The following NDE1 variants were observed in gnomAD, a reference collection of about 807,000 sequenced individuals.
NDE1 encodes the protein nudE neurodevelopment protein 1, also known as nuclear distribution protein nudE homolog 1.
A neutral mutation model predicts 43.4 loss-of-function variants in NDE1; 28 were observed. The ratio of observed to expected loss-of-function variants is 0.65; its 90% CI spans 0.48 to 0.89. The LOEUF is 0.89. Among genes scored for constraint, NDE1 ranks in the 40% least tolerant of loss-of-function variants. The pLI, the probability that NDE1 is intolerant of heterozygous loss-of-function variation, is 0.00. For synonymous variants in NDE1, 184 were observed against 172.0 expected, an observed-to-expected ratio of 1.07 and a Z score of -0.55; for missense variants, 441 against 434.1, an observed-to-expected ratio of 1.02 and a Z score of -0.14.
chr16:15,723,218 G>A (rs374048914), intron 8 of NDE1, among the ~76,000 whole-genome samples: 2 of 152,136 alleles, frequency 1.3e-5, no homozygotes, highest in Non-Finnish European at 2.9e-5. Flanking sequence ...CCCAAAAGAA[G>A]CAAAATTGTG....
intron 8 of NDE1, chr16:15,712,882 G>GTTTTTTTTGTTTTTTTTTTTTTTTTTTT (rs1555549364): frequency 1.1e-5 from 1 of 90,636 alleles, no homozygotes; most frequent in Non-Finnish European, 2.3e-5. Flanking sequence ...TTCACATACA[G>GTTTTTTTTGTTTTTTTTTTTTTTTTTTT]TTTTTTTTTT....
At chr16:15,678,076 T>A in intron 4 of NDE1, 127 bp downstream of exon 4, 1 of 1,238,622 alleles carries the variant, frequency 8.1e-7, no homozygotes, top group Non-Finnish European at 1.2e-6. Flanking sequence ...GCCAGTGCCC[T>A]TCTGGATTTT....
intron 8 of NDE1, chr16:15,700,162 T>C (rs1337526850): frequency 4.0e-6 from 4 of 998,646 alleles, no homozygotes; most frequent in Non-Finnish European, 4.8e-6. Context: ...GGTGGCGTGA[T>C]CTCAGCTCAC....
At chr16:15,679,734 A>AGTGGTGTTTCCCAC (rs1044921221) in intron 4 of NDE1, among the ~76,000 whole-genome samples, 1 of 152,060 alleles carries the variant, frequency 6.6e-6, no homozygotes, top group Admixed American at 6.6e-5. Context: ...AGGCAGTGTG[A>AGTGGTGTTTCCCAC]GTGGTGTTTC....
rs2037991167 is a variant in NDE1, at chr16:15,678,272, A to G, written c.386+323A>G. On this transcript the variant is annotated intron_variant, in intron 4 of 8. Transcript: ENST00000396354. ...GCTAAGACCAGAGGAATGAGTAGCC[A>G]TGATGCCAGGAGGGGTGTGAGACAA... Among the ~76,000 whole-genome samples the G allele has an allele frequency of 2.6e-5, 4 of 152,192 alleles. No individual in the cohort carries two copies. In the South Asian group the frequency reaches 6.2e-4, roughly 24 times the overall value.
intron 8 of NDE1, among the ~76,000 whole-genome samples, chr16:15,708,237 A>G (rs2039573057): frequency 6.6e-6 from 1 of 152,128 alleles, no homozygotes; most frequent in South Asian, 2.1e-4. Context: ...CAGTGAGCTC[A>G]TTTCCTTCGC....
chr16:15,690,866 G>A (rs1293371255), intron 5 of NDE1, among the ~76,000 whole-genome samples: 1 of 152,092 alleles, frequency 6.6e-6, no homozygotes, highest in African/African-American at 2.4e-5. Context: ...GGAGTGCGCT[G>A]GAGCAATCTC....
chr16:15,718,006 C>G lies in NDE1; in HGVS notation c.948-6185C>G, dbSNP rs1596707881. The G allele has an allele frequency of 1.7e-5, 8 of 469,180 alleles. No individual in the cohort carries two copies. In the East Asian group the frequency reaches 3.3e-4, roughly 20 times the overall value. 29.1% of individuals were successfully genotyped at this position (469,180 alleles called of 1,614,324 possible). A position where few individuals can be genotyped will look rare whatever the true frequency, so the allele number is the denominator to read the frequency against. On this transcript the variant is annotated intron_variant, in intron 8 of 8. Transcript: ENST00000396354. Reference sequence around the variant, plus strand: ...GGCTCACTGGATAAGGTCAGAGCTTCAGCTAGGGGAAAACGCAATGAAAGA... The same window carrying G: ...GGCTCACTGGATAAGGTCAGAGCTTGAGCTAGGGGAAAACGCAATGAAAGA...
chr16:15,715,425 A>T (rs1308170344), intron 8 of NDE1, among the ~76,000 whole-genome samples: 1 of 152,224 alleles, frequency 6.6e-6, no homozygotes, highest in Non-Finnish European at 1.5e-5. Context: ...GTATTCAGCC[A>T]TGAAAAGGAA....
intron 1 of NDE1, among the ~76,000 whole-genome samples, chr16:15,655,083 A>G (rs962923179): frequency 1.3e-5 from 2 of 151,890 alleles, no homozygotes; most frequent in African/African-American, 4.8e-5. Context: ...CAGTGGTACA[A>G]TTTCTGCTCA....
chr16:15,717,991 A>G (rs1169058053), intron 8 of NDE1: 1 of 433,414 alleles, frequency 2.3e-6, no homozygotes, highest in Non-Finnish European at 4.3e-6. Flanking sequence ...GGCTCACTGG[A>G]TAAGGTCAGA....
chr16:15,668,998 C>G (rs1220128379), intron 3 of NDE1, among the ~76,000 whole-genome samples: 1 of 151,792 alleles, frequency 6.6e-6, no homozygotes, highest in East Asian at 1.9e-4. Flanking sequence ...CTCCCAGGTT[C>G]ACACCATTCT....
upstream of NDE1, among the ~76,000 whole-genome samples, chr16:15,648,820 A>T (rs1441545993): frequency 1.3e-5 from 2 of 151,732 alleles, no homozygotes; most frequent in Admixed American, 1.3e-4. Flanking sequence ...AAAAGAAAAA[A>T]ATTATTTTTT....
At chr16:15,664,657 GTTTT>G in intron 1 of NDE1, 75 bp from the exon 2 acceptor site, 5 of 725,762 alleles carry the variant, frequency 6.9e-6, no homozygotes, top group Non-Finnish European at 9.2e-6. Context: ...GCCTGGCCAA[GTTTT>G]TTTTTTTTTT....
Position 15,725,222 on chromosome 16 carries a change from C to T in NDE1, c.*971C>T, listed in dbSNP as rs2040696454. The T allele has an allele frequency of 1.6e-6, 1 of 607,856 alleles. No individual in the cohort carries two copies. The highest frequency in any genetic ancestry group is 2.9e-6 in the Non-Finnish European group (1 of 345,610). 37.7% of individuals were successfully genotyped at this position (607,856 alleles called of 1,614,324 possible). ...CGTCACCTATGAGTTGGGACCCTGGCCCTAGACTCTGTGGTTCTAAGAACT... is the reference window on the plus strand; with the variant it reads ...CGTCACCTATGAGTTGGGACCCTGGTCCTAGACTCTGTGGTTCTAAGAACT... On this transcript the variant is annotated 3_prime_UTR_variant, in exon 9 of 9. Coordinates refer to ENST00000396354, the MANE Select transcript of NDE1 (RefSeq NM_017668.3).
intron 8 of NDE1, chr16:15,708,778 A>G: frequency 3.1e-6 from 5 of 1,599,984 alleles, no homozygotes; most frequent in Non-Finnish European, 4.3e-6. Flanking sequence ...GACAACACAC[A>G]GCTGCGAAGC....
At chr16:15,661,156 GT>G (rs56830963) in intron 1 of NDE1, among the ~76,000 whole-genome samples, 60,595 of 131,910 alleles carry the variant, frequency 0.46, 12,942 homozygotes, top group Middle Eastern at 0.55. Context: ...AGTTTTACTT[GT>G]TTTTTTTTTT....
At chr16:15,662,112 G>GT (rs1240779604) in intron 1 of NDE1, among the ~76,000 whole-genome samples, 3 of 151,104 alleles carry the variant, frequency 2.0e-5, no homozygotes, top group Non-Finnish European at 4.4e-5. Flanking sequence ...TTTTTAAAAA[G>GT]TTTTTTTGTC....
At chr16:15,654,610 A>G (rs905591357) in intron 1 of NDE1, among the ~76,000 whole-genome samples, 2 of 149,098 alleles carry the variant, frequency 1.3e-5, no homozygotes, top group East Asian at 1.9e-4. Context: ...CTCAAAAAAA[A>G]AAAAAACAAA....
Sources: gnomAD v4.1 joint callset for allele counts (sites outside exome capture counted in the v4.1 genomes callset) on GRCh38, gnomAD v4.1.1 for gene constraint, MANE v1.5 for transcripts, NCBI Gene and HGNC (gene_info 2026-07-23, HGNC 2026-07-21) for gene names.